Variants in STK39 observed in about 807,000 individuals in gnomAD.
The protein encoded by STK39 is serine/threonine kinase 39.
Under a neutral mutation model 77.8 loss-of-function variants are expected in STK39, and 20 were observed. That is an observed-to-expected ratio of 0.26 (90% CI 0.18 to 0.37). The LOEUF is 0.37. STK39 is among the 10% of genes least tolerant of loss of function. The probability of loss-of-function intolerance (pLI) is 1.00; values close to 1 mark genes in which losing one functional copy is unlikely to be tolerated. For missense variants in STK39, 479 were observed against 656.5 expected (o/e 0.73, Z 2.95); for synonymous variants, 246 against 234.1 (o/e 1.05, Z -0.47).
chr2:168,217,420 C>T (rs935584169), intron 1 of STK39, among the ~76,000 whole-genome samples: 1 of 152,126 alleles, frequency 6.6e-6, no homozygotes, highest in African/African-American at 2.4e-5. Context: ...CTTCCTATAC[C>T]ACAGAAATAT....
rs1687885418 is a variant in STK39 at position 168,138,098 on chromosome 2, G to C, written c.964C>G (p.Pro322Ala). ...KLLSLCLQKD[P>A]SKRPTAAELL... ...CTAAGTTTCACTTACCTTTTGGAAG[G>C]ATCTTTCTGAAGACACAGTGAAAGT... is the stretch of plus-strand genomic sequence containing the variant. The change falls in exon 8 of 18, where the codon CCT becomes GCT. Residue 322 changes from proline to alanine, a missense_variant. Transcript: ENST00000355999. The C allele has an allele frequency of 6.2e-7, 1 of 1,613,424 alleles. No homozygotes were observed. The highest frequency in any genetic ancestry group is 1.7e-5 in the Admixed American group (1 of 59,968).
chr2:168,001,269 CA>C (rs111793533), intron 16 of STK39, among the ~76,000 whole-genome samples: 26,901 of 108,466 alleles, frequency 0.25, 2,963 homozygotes, highest in East Asian at 0.63. Flanking sequence ...GGAAACACAT[CA>C]AAAAAAAAAA....
At chr2:167,994,369 T>G (rs951883312) in intron 16 of STK39, among the ~76,000 whole-genome samples, 1 of 152,256 alleles carries the variant, frequency 6.6e-6, no homozygotes, top group African/African-American at 2.4e-5. Context: ...GATTTTAATA[T>G]GTATATACAA....
At chr2:168,175,161 G>A (rs540026937) in intron 2 of STK39, among the ~76,000 whole-genome samples, 43 of 152,128 alleles carry the variant, frequency 2.8e-4, no homozygotes, top group African/African-American at 9.9e-4. Flanking sequence ...TGGAAATAAC[G>A]AAACCAAAAT....
intron 16 of STK39, among the ~76,000 whole-genome samples, chr2:167,966,841 A>G (rs1692172031): frequency 6.6e-6 from 1 of 152,202 alleles, no homozygotes; most frequent in Non-Finnish European, 1.5e-5. Context: ...TGCTAGGCTT[A>G]TTTTCAATTT....
intron 10 of STK39, among the ~76,000 whole-genome samples, chr2:168,110,631 T>G (rs1291423694): frequency 6.6e-6 from 1 of 152,196 alleles, no homozygotes; most frequent in Non-Finnish European, 1.5e-5. Flanking sequence ...CTATAATACA[T>G]CCCTGTCATA....
intron 12 of STK39, among the ~76,000 whole-genome samples, chr2:168,074,643 C>T (rs1193483949): frequency 1.3e-5 from 2 of 152,178 alleles, no homozygotes; most frequent in African/African-American, 4.8e-5. Context: ...AGGCAGTAAT[C>T]CTAAGAGTTA....
intron 1 of STK39, among the ~76,000 whole-genome samples, chr2:168,219,107 T>G (rs1271049426): frequency 6.6e-6 from 1 of 152,030 alleles, no homozygotes; most frequent in African/African-American, 2.4e-5. Flanking sequence ...GAAGAAAAAG[T>G]GAGATGATAG....
At position 168,247,585 on chromosome 2, in the gene STK39, G is replaced by C. The variant is rs532989041; in HGVS notation, c.-150C>G. ...CCGTCCCCGCCGAAGCCAGCTAGGA[G>C]GGGAGGGAGCAAGGGAGGCCGAGCT... is the stretch of plus-strand genomic sequence containing the variant. On this transcript the variant is annotated 5_prime_UTR_variant, in exon 1 of 18. Coordinates refer to ENST00000355999, the MANE Select transcript of STK39 (RefSeq NM_013233.3). 6.8e-5 allele frequency: 22 copies of C among 325,566 alleles called. 1 individual carries two copies. The South Asian group carries it at 1.6e-3, about 24-fold the overall frequency. 20.2% of individuals were successfully genotyped at this position (325,566 alleles called of 1,614,324 possible).
intron 16 of STK39, among the ~76,000 whole-genome samples, chr2:168,005,087 C>A (rs1326605895): frequency 6.7e-6 from 1 of 148,936 alleles, no homozygotes; most frequent in Non-Finnish European, 1.5e-5. Flanking sequence ...CTCACTGCAA[C>A]CTCTGCCTCC....
chr2:168,224,997 G>A (rs1690268430), intron 1 of STK39, among the ~76,000 whole-genome samples: 1 of 152,188 alleles, frequency 6.6e-6, no homozygotes, highest in African/African-American at 2.4e-5. Context: ...ACTGCCCTTT[G>A]AGGTTCTGAG....
intron 1 of STK39, among the ~76,000 whole-genome samples, chr2:168,207,311 G>A (rs1380383994): frequency 6.6e-6 from 1 of 152,182 alleles, no homozygotes; most frequent in African/African-American, 2.4e-5. Context: ...CCTAACGAGG[G>A]AAGTAACTGA....
At chr2:167,963,018 T>G (rs1692036727) in intron 17 of STK39, among the ~76,000 whole-genome samples, 1 of 152,184 alleles carries the variant, frequency 6.6e-6, no homozygotes, top group Non-Finnish European at 1.5e-5. Flanking sequence ...GTGTGCGGTT[T>G]ACAATAGGGC....
At position 168,028,805 on chromosome 2, in the gene STK39, C is replaced by T. The variant is rs781747201; in HGVS notation, c.1377-11710G>A. On this transcript the variant is annotated intron_variant, in intron 14 of 17. Coordinates refer to ENST00000355999, the MANE Select transcript of STK39 (RefSeq NM_013233.3). ...ACCTCTCTCCCATGCATGAGGCTCC[C>T]AAACCAACACGCTAAGTACTTTCTA... Among the ~76,000 whole-genome samples the T allele has an allele frequency of 4.3e-4, 65 of 152,128 alleles. 1 individual carries two copies. The highest frequency in any genetic ancestry group is 2.9e-4 in the Non-Finnish European group (20 of 68,022).
intron 1 of STK39, 91 bp downstream of exon 1, chr2:168,247,137 G>C (rs1210049088): frequency 2.2e-6 from 2 of 897,284 alleles, no homozygotes; most frequent in Non-Finnish European, 1.3e-6. Context: ...CCTCCAGGGC[G>C]TGCATGCAGG....
chr2:168,029,700 G>A (rs1274207322), intron 14 of STK39, among the ~76,000 whole-genome samples: 1 of 152,170 alleles, frequency 6.6e-6, no homozygotes, highest in African/African-American at 2.4e-5. Flanking sequence ...TTTCATGACT[G>A]CTTTCTCCGA....
intron 14 of STK39, 45 bp downstream of exon 14, chr2:168,063,455 G>A: frequency 6.6e-7 from 1 of 1,520,752 alleles, no homozygotes; most frequent in South Asian, 1.2e-5. Context: ...TTAAAAAATT[G>A]TACTATAGGA....
chr2:168,245,033 T>C (rs1307271765), intron 1 of STK39, among the ~76,000 whole-genome samples: 1 of 152,232 alleles, frequency 6.6e-6, no homozygotes, highest in Admixed American at 6.5e-5. Context: ...TTAACCCTAA[T>C]AATTGACCAA....
At chr2:168,073,833 G>A (rs1686006328) in intron 12 of STK39, among the ~76,000 whole-genome samples, 2 of 152,104 alleles carry the variant, frequency 1.3e-5, no homozygotes, top group South Asian at 2.1e-4. Context: ...AGCCTGGCTG[G>A]TCTCGAATTC....
Sources: allele counts gnomAD v4.1 joint callset (sites outside exome capture counted in the v4.1 genomes callset), GRCh38; gene constraint gnomAD v4.1.1; transcripts MANE v1.5; gene names NCBI Gene and HGNC (gene_info 2026-07-23, HGNC 2026-07-21).